Variants in OR4F15 observed in about 807,000 individuals in gnomAD.
The protein encoded by OR4F15 is olfactory receptor family 4 subfamily F member 15, also known as olfactory receptor 4F15.
OR4F15 carries 7 observed loss-of-function variants against 11.9 expected under a neutral mutation model. The observed-to-expected ratio is 0.59, with a 90% CI of 0.33 to 1.10. The LOEUF (loss-of-function observed/expected upper bound fraction) is 1.10. OR4F15 is among the 50% of genes least tolerant of loss of function. The pLI is 0.03. For synonymous variants in OR4F15, 151 were observed against 134.6 expected (o/e 1.12, Z -0.84); for missense variants, 445 against 377.5 (o/e 1.18, Z -1.48).
chr15:101,818,276 C>A lies in OR4F15; in HGVS notation c.90C>A (p.Phe30Leu), dbSNP rs1903028618. The A allele has an allele frequency of 6.2e-7, 1 of 1,613,866 alleles. No individual in the cohort carries two copies. Among genetic ancestry groups the A allele is most frequent in the Admixed American group, 1.7e-5 (1 of 59,988 alleles). The part of the protein sequence containing the change: ...SREIQLLLFV[F>L]SLLFYFASMM... ...AGATTCAGCTTCTACTTTTTGTTTTCTCTTTGTTGTTCTACTTTGCGAGCA... is the reference window on the plus strand; with the variant it reads ...AGATTCAGCTTCTACTTTTTGTTTTATCTTTGTTGTTCTACTTTGCGAGCA... The change falls in exon 2 of 2, where the codon TTC becomes TTA. Residue 30 changes from phenylalanine (F) to leucine (L), a missense_variant. Transcript: ENST00000332238.
chr15:101,818,439 A>G lies in OR4F15; in HGVS notation c.253A>G (p.Ile85Val). Residue 85 changes from isoleucine to valine, a missense_variant, in exon 2 of 2, where the codon ATT becomes GTT. Physicochemically the swap from Ile to Val is conservative, Grantham distance 29 (BLOSUM62 3). Coordinates refer to ENST00000332238, the MANE Select transcript of OR4F15 (RefSeq NM_001001674.2). ...TACAGCCCCTAAGATGATTTGTGAT[A>G]TTTTCAAGAAGCACAAGGCCATCTC... ...SITAPKMICD[I>V]FKKHKAISFR... is the part of the protein sequence containing the mutation. The G allele has an allele frequency of 6.2e-7, 1 of 1,614,032 alleles. No individual in the cohort carries two copies. The highest frequency in any genetic ancestry group is 8.5e-7 in the Non-Finnish European group (1 of 1,179,994).
intron 1 of OR4F15, among the ~76,000 whole-genome samples, chr15:101,816,304 C>G (rs1014023703): frequency 6.6e-5 from 10 of 152,038 alleles, no homozygotes; most frequent in Admixed American, 2.6e-4. Flanking sequence ...TGTCATGAGC[C>G]AAGCAAGGGA....
In OR4F15 at chr15:101,819,142, G is replaced by T. The variant is rs1903059155; in HGVS notation, c.*17G>T. 6.6e-7 allele frequency: 1 copy of T among 1,524,420 alleles called. No homozygotes were observed. Among genetic ancestry groups the T allele is most frequent in the South Asian group, 1.2e-5 (1 of 82,688 alleles). The allele number at this position is 1,524,420 out of a possible 1,614,324, so 94.4% of individuals were successfully genotyped here. A position where few individuals can be genotyped will look rare whatever the true frequency, so the allele number is the denominator to read the frequency against. Reference sequence around the variant, plus strand: ...ATTTTGTAAATGGCTTGGCTGTCAAGATGTGTAACTATGGATTACTCCTCA... The same window carrying T: ...ATTTTGTAAATGGCTTGGCTGTCAATATGTGTAACTATGGATTACTCCTCA... On this transcript the variant is annotated 3_prime_UTR_variant, in exon 2 of 2. Transcript: ENST00000332238.
intron 1 of OR4F15, among the ~76,000 whole-genome samples, chr15:101,813,256 C>T (rs576369514): frequency 1.9e-4 from 29 of 152,186 alleles, no homozygotes; most frequent in African/African-American, 7.0e-4. Flanking sequence ...CACCTGTAAT[C>T]CCAGCACTTT....
chr15:101,819,111 A>G lies in OR4F15; in HGVS notation c.925A>G (p.Thr309Ala), dbSNP rs1442142466. 7 of 1,601,768 alleles carry G rather than the reference A, an allele frequency of 4.4e-6. 1 individual carries two copies. The South Asian group carries it at 4.5e-5, about 10-fold the overall frequency. Residue 309 changes from threonine to alanine, a missense_variant, in exon 2 of 2, where the codon ACA (threonine) becomes GCA (alanine). Transcript: ENST00000332238. ...ACTGTGCAGTCGTCTTGCGCATTTT[A>G]CAAAGATTTTGTAAATGGCTTGGCT... Reference protein sequence around the residue: ...RRLCSRLAHFTKIL With the variant: ...RRLCSRLAHFAKIL
chr15:101,812,767 C>G (rs1330099258), intron 1 of OR4F15, among the ~76,000 whole-genome samples: 1 of 151,752 alleles, frequency 6.6e-6, no homozygotes, highest in Non-Finnish European at 1.5e-5. Context: ...TCACCCTGAA[C>G]TAAAAAAATG....
Position 101,814,235 on chromosome 15 carries a change from C to T in OR4F15, c.-38+1963C>T, listed in dbSNP as rs1036835543. Among the ~76,000 whole-genome samples the T allele has an allele frequency of 3.3e-5, 5 of 152,136 alleles. No individual in the cohort carries two copies. The East Asian group carries it at 7.7e-4, about 23-fold the overall frequency. ...TTACTCAGTTCTGGCTTCATTCCTGCGACTCTTATTCTCCTACCCAGCCCT... is the reference window on the plus strand; with the variant it reads ...TTACTCAGTTCTGGCTTCATTCCTGTGACTCTTATTCTCCTACCCAGCCCT... On this transcript the variant is annotated intron_variant, in intron 1 of 1. Transcript: ENST00000332238.
chr15:101,818,375 G>C lies in OR4F15; in HGVS notation c.189G>C (p.Leu63=), dbSNP rs758894828. 4.5e-5 allele frequency: 73 copies of C among 1,614,050 alleles called. No homozygotes were observed. Among genetic ancestry groups the C allele is most frequent in the Non-Finnish European group, 6.0e-5 (71 of 1,179,968 alleles). The change falls in exon 2 of 2, where the codon CTG becomes CTC. Residue 63 remains leucine, a synonymous_variant. Coordinates refer to ENST00000332238, the MANE Select transcript of OR4F15 (RefSeq NM_001001674.2). ...TGCACTCCCCCATGTATTTCCTCCT[G>C]GCTAACCTCTCAATCATTGATATGG... The part of the protein sequence containing the change: ...AHLHSPMYFL[L]ANLSIIDMAF...
intron 1 of OR4F15, among the ~76,000 whole-genome samples, chr15:101,816,844 T>C (rs1200274544): frequency 1.3e-5 from 2 of 152,172 alleles, no homozygotes; most frequent in East Asian, 3.8e-4. Flanking sequence ...CTTTAGTTTA[T>C]TTTCTGGACT....
intron 1 of OR4F15, among the ~76,000 whole-genome samples, chr15:101,813,112 C>A (rs1902932607): frequency 1.3e-5 from 2 of 152,192 alleles, no homozygotes; most frequent in South Asian, 4.1e-4. Context: ...TACCTGACAA[C>A]TTCTTTATAT....
chr15:101,818,642 C>T lies in OR4F15; in HGVS notation c.456C>T (p.Gly152=), dbSNP rs753343507. The change falls in exon 2 of 2, where the codon GGC becomes GGT. Residue 152 remains glycine (G), a synonymous_variant. Transcript: ENST00000332238. ...TTTTAGCCACTTCCTCTATCATTGG[C>T]CTTATCCACTCATTGGTCCAATTAG... The part of the protein sequence containing the change: ...LYFLATSSII[G]LIHSLVQLVF... 16 of 1,613,882 alleles carry T rather than the reference C, an allele frequency of 9.9e-6. No individual in the cohort carries two copies. The South Asian group carries it at 1.6e-4, about 17-fold the overall frequency.
At position 101,818,855 on chromosome 15, in the gene OR4F15, C is replaced by T. The variant is rs1264732282; in HGVS notation, c.669C>T (p.Phe223=). The T allele has an allele frequency of 3.7e-6, 6 of 1,614,138 alleles. No homozygotes were observed. The highest frequency in any genetic ancestry group is 5.1e-6 in the Non-Finnish European group (6 of 1,180,026). Residue 223 remains phenylalanine (F), a synonymous_variant, in exon 2 of 2, where the codon TTC becomes TTT. Coordinates refer to ENST00000332238, the MANE Select transcript of OR4F15 (RefSeq NM_001001674.2). The part of the protein sequence containing the change: ...LLVISYIFIL[F]TVWKHSSGGL... ...TAATTTCCTACATCTTCATTCTGTT[C>T]ACTGTTTGGAAACATTCTTCTGGTG...
Position 101,818,587 on chromosome 15 carries a change from C to T in OR4F15, c.401C>T (p.Thr134Ile). The stretch of plus-strand genomic sequence containing the variant: ...ATATGTAAACCTCTCCACTACCTGA[C>T]CATCATGAGCCCAAGAATGTGTCTA... The part of the protein sequence containing the change: ...MAICKPLHYL[T>I]IMSPRMCLYF... Residue 134 changes from threonine (T) to isoleucine (I), a missense_variant, in exon 2 of 2, where the codon ACC becomes ATC. Coordinates refer to ENST00000332238, the MANE Select transcript of OR4F15 (RefSeq NM_001001674.2). 6.8e-6 allele frequency: 11 copies of T among 1,614,178 alleles called. No individual in the cohort carries two copies. Among genetic ancestry groups the T allele is most frequent in the Middle Eastern group, 1.6e-4 (1 of 6,062 alleles).
At chr15:101,815,275 C>T (rs1347913312) in intron 1 of OR4F15, among the ~76,000 whole-genome samples, 1 of 152,038 alleles carries the variant, frequency 6.6e-6, no homozygotes, top group Non-Finnish European at 1.5e-5. Context: ...CATTGTTAGG[C>T]ACTTGATAGA....
At chr15:101,814,424 C>A (rs1254701413) in intron 1 of OR4F15, among the ~76,000 whole-genome samples, 2 of 152,048 alleles carry the variant, frequency 1.3e-5, no homozygotes, top group African/African-American at 4.8e-5. Context: ...TTTTTGTCTG[C>A]AATGCTCAAT....
rs979874968 is a variant in OR4F15 at position 101,820,129 on chromosome 15, C to T, written c.*1004C>T. The T allele has an allele frequency of 6.6e-6, 1 of 152,128 alleles. No individual in the cohort carries two copies. Among genetic ancestry groups the T allele is most frequent in the Admixed American group, 6.6e-5 (1 of 15,266 alleles). 9.4% of individuals were successfully genotyped at this position (152,128 alleles called of 1,614,324 possible). On this transcript the variant is annotated 3_prime_UTR_variant, in exon 2 of 2. Transcript: ENST00000332238. The stretch of plus-strand genomic sequence containing the variant: ...ATGACTCTGATTGCTAGGTCAGTGC[C>T]CTTTCACTTTCAGATCAATTTTGTT...
chr15:101,818,101 C>A, intron 1 of OR4F15, 49 bp from the exon 2 acceptor site: 2 of 876,756 alleles, frequency 2.3e-6, no homozygotes, highest in Non-Finnish European at 1.8e-6. Context: ...CTTTCTTGAA[C>A]ATGAATACTT....
intron 1 of OR4F15, among the ~76,000 whole-genome samples, chr15:101,814,252 C>T (rs1361854433): frequency 6.6e-6 from 1 of 152,170 alleles, no homozygotes; most frequent in African/African-American, 2.4e-5. Flanking sequence ...TATTCTCCTA[C>T]CCAGCCCTTC....
intron 1 of OR4F15, among the ~76,000 whole-genome samples, chr15:101,815,723 G>T (rs925741034): frequency 1.3e-5 from 2 of 152,126 alleles, no homozygotes; most frequent in African/African-American, 4.8e-5. Context: ...CTCTGGAATT[G>T]TATCTGGAAT....
Sources: allele counts gnomAD v4.1 joint callset (sites outside exome capture counted in the v4.1 genomes callset), GRCh38; gene constraint gnomAD v4.1.1; transcripts MANE v1.5; gene names NCBI Gene and HGNC (gene_info 2026-07-23, HGNC 2026-07-21).